TASP1: variants seen among roughly 807,000 people sequenced by gnomAD.
The protein encoded by TASP1 is threonine aspartase 1.
A neutral mutation model predicts 56.6 loss-of-function variants in TASP1; 16 were observed. The ratio of observed to expected loss-of-function variants is 0.28; its 90% CI spans 0.19 to 0.43. The LOEUF (loss-of-function observed/expected upper bound fraction) is 0.43, where lower values mean the gene tolerates loss of function less well. Ranked by LOEUF, TASP1 falls within the 20% of genes least tolerant of loss-of-function variation. The probability of loss-of-function intolerance (pLI) is 1.00; values close to 1 mark genes in which losing one functional copy is unlikely to be tolerated. For missense variants in TASP1, 393 were observed against 511.6 expected, an observed-to-expected ratio of 0.77 and a Z score of 2.24; for synonymous variants, 179 against 184.2, an observed-to-expected ratio of 0.97 and a Z score of 0.23.
At chr20:13,330,927 T>G in the TASP1 span, among the ~76,000 whole-genome samples, 1 of 152,204 alleles carries the variant, frequency 6.6e-6, no homozygotes, top group African/African-American at 2.4e-5. Context: ...GTTCATAAAT[T>G]TTACTGATCT....
At chr20:13,283,375 A>T in the TASP1 span, among the ~76,000 whole-genome samples, 2 of 152,222 alleles carry the variant, frequency 1.3e-5, no homozygotes, top group African/African-American at 2.4e-5. Flanking sequence ...AGACAGGCTA[A>T]AATTGCCACA....
chr20:13,601,977 C>T (rs910631304), intron 4 of TASP1, among the ~76,000 whole-genome samples: 6 of 149,840 alleles, frequency 4.0e-5, no homozygotes, highest in Non-Finnish European at 7.4e-5. Context: ...CCTGGGTTCA[C>T]GCCATTCTCC....
intron 8 of TASP1, among the ~76,000 whole-genome samples, chr20:13,552,895 G>A (rs1376830592): frequency 6.6e-6 from 1 of 152,080 alleles, no homozygotes; most frequent in African/African-American, 2.4e-5. Context: ...AACAGTAAAA[G>A]AGATTTCTGG....
At chr20:13,625,409 CTTT>C (rs1369010738) in intron 2 of TASP1, among the ~76,000 whole-genome samples, 157 bp from the exon 3 acceptor site, 1 of 152,154 alleles carries the variant, frequency 6.6e-6, no homozygotes, top group East Asian at 1.9e-4. Flanking sequence ...CAGTGTAAGC[CTTT>C]TTAATACCAT....
chr20:13,319,057 T>C, the TASP1 span, among the ~76,000 whole-genome samples: 1 of 152,176 alleles, frequency 6.6e-6, no homozygotes, highest in Non-Finnish European at 1.5e-5. Context: ...TCATCAGTTG[T>C]AACAAATGCA....
the TASP1 span, among the ~76,000 whole-genome samples, chr20:13,253,806 A>G: frequency 6.6e-6 from 1 of 152,056 alleles, no homozygotes; most frequent in South Asian, 2.1e-4. Flanking sequence ...GCTAGTTCAG[A>G]TATCTTAAAA....
At chr20:13,367,699 T>C in the TASP1 span, among the ~76,000 whole-genome samples, 1 of 152,224 alleles carries the variant, frequency 6.6e-6, no homozygotes, top group Non-Finnish European at 1.5e-5. Flanking sequence ...TTCATATTGC[T>C]AAATATGGTT....
intron 7 of TASP1, among the ~76,000 whole-genome samples, chr20:13,567,295 G>A (rs913654834): frequency 6.6e-5 from 10 of 151,932 alleles, no homozygotes; most frequent in Non-Finnish European, 1.3e-4. Flanking sequence ...GGGGGGAAAA[G>A]GATCAGGAAA....
chr20:13,108,726 C>A, the TASP1 span, among the ~76,000 whole-genome samples: 61,191 of 151,902 alleles, frequency 0.4, 13,515 homozygotes, highest in African/African-American at 0.59. Context: ...AGGTGCCTAC[C>A]ACCATACCCA....
chr20:13,280,495 A>G, the TASP1 span, among the ~76,000 whole-genome samples: 3 of 151,948 alleles, frequency 2.0e-5, no homozygotes, highest in African/African-American at 7.2e-5. Flanking sequence ...TCAGTGAGTT[A>G]AAATAATAAA....
chr20:13,421,665 T>G (rs1192225661), intron 12 of TASP1, among the ~76,000 whole-genome samples: 1 of 152,168 alleles, frequency 6.6e-6, no homozygotes, highest in African/African-American at 2.4e-5. Context: ...CAGACTATTA[T>G]CAGACTACCA....
At chr20:13,485,442 C>T (rs2043290111) in intron 10 of TASP1, among the ~76,000 whole-genome samples, 1 of 152,080 alleles carries the variant, frequency 6.6e-6, no homozygotes, top group South Asian at 2.1e-4. Flanking sequence ...AAAATAAACA[C>T]AGGCCTTCTA....
chr20:13,591,767 T>C (rs1404430165), intron 4 of TASP1, among the ~76,000 whole-genome samples: 3 of 152,158 alleles, frequency 2.0e-5, no homozygotes, highest in African/African-American at 7.2e-5. Flanking sequence ...GTTTATAACA[T>C]ATACAGGTGC....
At chr20:13,351,136 A>G in the TASP1 span, among the ~76,000 whole-genome samples, 2 of 152,202 alleles carry the variant, frequency 1.3e-5, no homozygotes, top group Non-Finnish European at 2.9e-5. Flanking sequence ...ATAAGATACC[A>G]CTAGACACAC....
the TASP1 span, among the ~76,000 whole-genome samples, chr20:13,370,754 AGAG>A: frequency 6.6e-6 from 1 of 152,172 alleles, no homozygotes; most frequent in Non-Finnish European, 1.5e-5. Flanking sequence ...CCTTATAAGA[AGAG>A]GAGATTAGGA....
At chr20:13,261,050 A>G in the TASP1 span, among the ~76,000 whole-genome samples, 5 of 152,192 alleles carry the variant, frequency 3.3e-5, no homozygotes, top group African/African-American at 1.2e-4. Flanking sequence ...GAGCAAAAAA[A>G]AATAGGCAAT....
chr20:13,377,335 T>C, the TASP1 span, among the ~76,000 whole-genome samples: 1 of 152,230 alleles, frequency 6.6e-6, no homozygotes, highest in East Asian at 1.9e-4. Flanking sequence ...GACAATCATG[T>C]GGTTTTTGCC....
At chr20:13,327,559 C>T in the TASP1 span, among the ~76,000 whole-genome samples, 4 of 152,192 alleles carry the variant, frequency 2.6e-5, no homozygotes, top group Non-Finnish European at 5.9e-5. Flanking sequence ...TCAAACTATA[C>T]TACAAGGTCA....
chr20:13,355,661 T>G, the TASP1 span, among the ~76,000 whole-genome samples: 23 of 152,340 alleles, frequency 1.5e-4, no homozygotes, highest in Non-Finnish European at 2.8e-4. Context: ...TGTCAAGCCC[T>G]GGCTGCAAAT....
Sources: gnomAD v4.1 joint callset for allele counts (sites outside exome capture counted in the v4.1 genomes callset) on GRCh38, gnomAD v4.1.1 for gene constraint, MANE v1.5 for transcripts, NCBI Gene and HGNC (gene_info 2026-07-23, HGNC 2026-07-21) for gene names.